Variants in TNN observed in about 807,000 individuals in gnomAD.
TNN encodes tenascin N, also known as tenascin-N.
Under a neutral mutation model 134.4 loss-of-function variants are expected in TNN, and 122 were observed. The ratio of observed to expected loss-of-function variants is 0.91; its 90% confidence interval spans 0.78 to 1.06. The LOEUF is 1.06. TNN is among the 50% of genes least tolerant of loss of function. The pLI is 0.00. For missense variants in TNN, 1,739 were observed against 1,699.4 expected, an observed-to-expected ratio of 1.02 and a Z score of -0.41; for synonymous variants, 710 against 670.3, an observed-to-expected ratio of 1.06 and a Z score of -0.91.
At chr1:175,085,054 AG>A (rs1251199987) in intron 5 of TNN, among the ~76,000 whole-genome samples, 1 of 152,224 alleles carries the variant, frequency 6.6e-6, no homozygotes, top group Non-Finnish European at 1.5e-5. Flanking sequence ...ATGCTTTGGA[AG>A]GAAAAGGGTT....
chr1:175,105,924 C>A (rs1276563075), intron 9 of TNN, among the ~76,000 whole-genome samples: 1 of 145,850 alleles, frequency 6.9e-6, no homozygotes, highest in African/African-American at 2.5e-5. Flanking sequence ...CAGAAACAAC[C>A]CCTGCCCAAG....
chr1:175,133,062 G>C (rs1205170849), intron 15 of TNN, among the ~76,000 whole-genome samples: 1 of 152,216 alleles, frequency 6.6e-6, no homozygotes, highest in Non-Finnish European at 1.5e-5. Context: ...AAAATAGGCA[G>C]AGAGAGAAAT....
At chr1:175,145,642 A>T in intron 18 of TNN, among the ~76,000 whole-genome samples, 1 of 149,684 alleles carries the variant, frequency 6.7e-6, no homozygotes, top group East Asian at 2.0e-4. Context: ...CTACTCTTGG[A>T]TCCACTTCAC....
rs370294858 is a variant in TNN, at chr1:175,118,767, G to A, written c.2593G>A (p.Val865Met). 1.3e-5 allele frequency: 21 copies of A among 1,614,246 alleles called. No individual in the cohort carries two copies. Among genetic ancestry groups the A allele is most frequent in the Middle Eastern group, 3.3e-4 (2 of 6,062 alleles). Residue 865 changes from valine (V) to methionine (M), a missense_variant, in exon 11 of 19, where the codon GTG (valine) becomes ATG (methionine). Physicochemically the swap from Val to Met is conservative, Grantham distance 21. Transcript: ENST00000239462. ...LRPGMEYTVH[V>M]WAQKGNQESK... ...GCCGGGCATGGAGTACACGGTGCAC[G>A]TGTGGGCCCAGAAGGGGAACCAGGA...
chr1:175,096,671 G>A (rs993439827), intron 7 of TNN, among the ~76,000 whole-genome samples: 1 of 152,170 alleles, frequency 6.6e-6, no homozygotes, highest in Non-Finnish European at 1.5e-5. Flanking sequence ...TGCCTCAAAT[G>A]CCATTAATAA....
chr1:175,103,914 A>G (rs1674791224), intron 9 of TNN, among the ~76,000 whole-genome samples: 1 of 145,000 alleles, frequency 6.9e-6, no homozygotes, highest in South Asian at 2.3e-4. Context: ...CTGTGCGGGC[A>G]TTTTTTTGCC....
intron 15 of TNN, among the ~76,000 whole-genome samples, chr1:175,129,360 T>A (rs923789605): frequency 1.3e-5 from 2 of 152,020 alleles, no homozygotes; most frequent in Non-Finnish European, 2.9e-5. Context: ...TTTCTGGGAA[T>A]GCAGCCCAGC....
rs771583724 is a variant in TNN at position 175,080,210 on chromosome 1, C to T, written c.832C>T (p.Leu278=). Residue 278 remains leucine, a synonymous_variant, in exon 4 of 19, where the codon CTG becomes TTG. Transcript: ENST00000239462. ...LQLLKNTEDS[L]LVSWEPSSQV... is the part of the protein sequence containing the mutation. ...GCTGCTCAAGAACACGGAGGATTCTCTGCTGGTGAGCTGGGAGCCCTCCAG... is the reference window on the plus strand; with the variant it reads ...GCTGCTCAAGAACACGGAGGATTCTTTGCTGGTGAGCTGGGAGCCCTCCAG... 1 of 1,614,108 alleles carries T rather than the reference C, an allele frequency of 6.2e-7. No homozygotes were observed. Among genetic ancestry groups the T allele is most frequent in the Non-Finnish European group, 8.5e-7 (1 of 1,179,990 alleles).
intron 9 of TNN, among the ~76,000 whole-genome samples, chr1:175,106,242 A>G (rs1470730104): frequency 6.9e-6 from 1 of 145,936 alleles, no homozygotes. Flanking sequence ...TGCCACAAAA[A>G]TGAAATGGAG....
At chr1:175,127,307 G>A (rs1035998087) in intron 13 of TNN, among the ~76,000 whole-genome samples, 1 of 152,204 alleles carries the variant, frequency 6.6e-6, no homozygotes, top group African/African-American at 2.4e-5. Context: ...TATCTAAAGT[G>A]CATAGGACAG....
intron 9 of TNN, among the ~76,000 whole-genome samples, chr1:175,109,473 T>C (rs1361426201): frequency 6.6e-6 from 1 of 152,086 alleles, no homozygotes; most frequent in Non-Finnish European, 1.5e-5. Context: ...AACCATCATT[T>C]TATTCGCAAC....
Position 175,081,098 on chromosome 1 carries a change from C to A in TNN, c.1048+672C>A, listed in dbSNP as rs141611737. 3.1e-3 allele frequency among the ~76,000 whole-genome samples: 474 copies of A among 152,314 alleles called. 3 individuals are homozygous for A. The highest frequency in any genetic ancestry group is 0.011 in the African/African-American group (453 of 41,538). The stretch of plus-strand genomic sequence containing the variant: ...CCCTCTGATCTGCTGGTGATTCCTG[C>A]TAGCTGAACCTGGAAGCCAAAGGGT... On this transcript the variant is annotated intron_variant, in intron 4 of 18. Transcript: ENST00000239462.
chr1:175,091,754 A>G (rs965572099), intron 6 of TNN, among the ~76,000 whole-genome samples: 18 of 151,844 alleles, frequency 1.2e-4, no homozygotes, highest in African/African-American at 4.4e-4. Flanking sequence ...CTGCCCGGCT[A>G]ATTTTTTGTG....
intron 17 of TNN, among the ~76,000 whole-genome samples, chr1:175,137,686 T>A (rs1243981415): frequency 6.6e-6 from 1 of 152,216 alleles, no homozygotes; most frequent in African/African-American, 2.4e-5. Flanking sequence ...GTGTGGTCAT[T>A]GTTTTAATAC....
chr1:175,079,228 G>A, intron 2 of TNN, 105 bp from the exon 3 acceptor site: 1 of 1,223,272 alleles, frequency 8.2e-7, no homozygotes, highest in Non-Finnish European at 1.1e-6. Flanking sequence ...AGACCCTTAA[G>A]AGTGGGGCTA....
At position 175,123,425 on chromosome 1, in the gene TNN, G is replaced by A. The variant is rs1303422585; in HGVS notation, c.2676G>A (p.Val892=). Residue 892 remains valine, a synonymous_variant, in exon 12 of 19, where the codon GTG becomes GTA. Transcript: ENST00000239462. ...AAATTGACGGCCCCAAAAACCTAGT[G>A]ACTGACTGGGTGACGGAGAATATGG... ...QTEIDGPKNL[V]TDWVTENMAT... The A allele has an allele frequency of 1.9e-6, 3 of 1,614,118 alleles. No individual in the cohort carries two copies. The South Asian group carries it at 3.3e-5, about 18-fold the overall frequency.
At chr1:175,094,490 C>T (rs1037246063) in intron 7 of TNN, among the ~76,000 whole-genome samples, 3 of 152,136 alleles carry the variant, frequency 2.0e-5, no homozygotes, top group African/African-American at 4.8e-5. Context: ...GTTGGAATTC[C>T]GTATGCAACC....
At chr1:175,127,752 A>G (rs1230872727) in intron 13 of TNN, among the ~76,000 whole-genome samples, 1 of 152,202 alleles carries the variant, frequency 6.6e-6, no homozygotes, top group Non-Finnish European at 1.5e-5. Context: ...TCTGAAGGCC[A>G]AAGTCTCCCA....
chr1:175,068,702 T>A (rs1673851458), intron 1 of TNN, among the ~76,000 whole-genome samples: 1 of 151,778 alleles, frequency 6.6e-6, no homozygotes, highest in Non-Finnish European at 1.5e-5. Flanking sequence ...AGGTCGAGAG[T>A]TCGAGACCAG....
Sources: gnomAD v4.1 joint callset for allele counts (sites outside exome capture counted in the v4.1 genomes callset) on GRCh38, gnomAD v4.1.1 for gene constraint, MANE v1.5 for transcripts, NCBI Gene and HGNC (gene_info 2026-07-23, HGNC 2026-07-21) for gene names.